Variants in LAMA4 observed in about 807,000 individuals in gnomAD.
The protein encoded by LAMA4 is laminin subunit alpha 4.
LAMA4 carries 127 observed loss-of-function variants against 207.1 expected under a neutral mutation model. The ratio of observed to expected loss-of-function variants is 0.61; its 90% CI spans 0.53 to 0.71. The LOEUF is 0.71. Ranked by LOEUF, LAMA4 falls within the 30% of genes least tolerant of loss-of-function variation. LAMA4 has a pLI of 0.00. For synonymous variants in LAMA4, 761 were observed against 816.0 expected (o/e 0.93, Z 1.15); for missense variants, 2,093 against 2,246.5 (o/e 0.93, Z 1.38).
chr6:112,125,765 A>G (rs1194625352), intron 31 of LAMA4, among the ~76,000 whole-genome samples: 1 of 152,246 alleles, frequency 6.6e-6, no homozygotes, highest in Non-Finnish European at 1.5e-5. Context: ...CTTTGGCTAT[A>G]AAAGGAGAAA....
chr6:112,210,629 C>A (rs1355970604), intron 3 of LAMA4, among the ~76,000 whole-genome samples: 1 of 152,040 alleles, frequency 6.6e-6, no homozygotes, highest in Non-Finnish European at 1.5e-5. Context: ...TCTAAGTATG[C>A]CCAGGGAGGT....
At chr6:112,211,143 G>T (rs532217456) in intron 3 of LAMA4, among the ~76,000 whole-genome samples, 1 of 152,206 alleles carries the variant, frequency 6.6e-6, no homozygotes, top group East Asian at 1.9e-4. Flanking sequence ...CATCCTGAGG[G>T]TCTGCATTTC....
In LAMA4 at chr6:112,167,374, C is replaced by A. The variant is rs190973915; in HGVS notation, c.1552-2098G>T. Among the ~76,000 whole-genome samples, 13 of 152,246 alleles carry A rather than the reference C, an allele frequency of 8.5e-5. No individual in the cohort carries two copies. The East Asian group carries it at 2.5e-3, about 29-fold the overall frequency. ...CTAAGATTGTGCCACTGTACTCCAG[C>A]CTGGGTGACAGAGTAAGACTGTGTC... is the stretch of plus-strand genomic sequence containing the variant. On this transcript the variant is annotated intron_variant, in intron 12 of 38. Coordinates refer to ENST00000230538, the MANE Select transcript of LAMA4 (RefSeq NM_001105206.3).
chr6:112,171,841 A>G (rs1554341842), intron 12 of LAMA4: 2 of 152,350 alleles, frequency 1.3e-5, no homozygotes, highest in African/African-American at 2.4e-5. Context: ...ATCAGGCTAG[A>G]GAGCCTAGTT....
chr6:112,114,299 T>G, intron 37 of LAMA4, 104 bp from the exon 38 acceptor site: 1 of 1,156,714 alleles, frequency 8.6e-7, no homozygotes, highest in Non-Finnish European at 1.3e-6. Flanking sequence ...TATTCCAGAA[T>G]AAAACCCACA....
At chr6:112,169,203 G>A (rs914062997) in intron 12 of LAMA4, among the ~76,000 whole-genome samples, 1 of 152,094 alleles carries the variant, frequency 6.6e-6, no homozygotes, top group Non-Finnish European at 1.5e-5. Flanking sequence ...CCCTAGGCAG[G>A]GGGCAGACCA....
intron 19 of LAMA4, among the ~76,000 whole-genome samples, chr6:112,143,298 T>A (rs1040933660): frequency 6.6e-6 from 1 of 151,008 alleles, no homozygotes; most frequent in South Asian, 2.1e-4. Flanking sequence ...TTTTTTTTTT[T>A]TTTTTTGAGA....
At chr6:112,119,735 T>C (rs1453316708) in intron 33 of LAMA4, among the ~76,000 whole-genome samples, 1 of 152,216 alleles carries the variant, frequency 6.6e-6, no homozygotes, top group African/African-American at 2.4e-5. Flanking sequence ...TGTTTTTCCA[T>C]GTTCTCTATG....
At chr6:112,161,565 G>A (rs1461411703) in intron 13 of LAMA4, among the ~76,000 whole-genome samples, 2 of 152,124 alleles carry the variant, frequency 1.3e-5, no homozygotes, top group African/African-American at 2.4e-5. Flanking sequence ...AACTCTTCTG[G>A]GGGTAGAATA....
In LAMA4 at chr6:112,135,056, C is replaced by G. The variant is rs184454431; in HGVS notation, c.3415-447G>C. 8.9e-4 allele frequency among the ~76,000 whole-genome samples: 135 copies of G among 152,200 alleles called. 1 individual carries two copies. The highest frequency in any genetic ancestry group is 3.1e-3 in the African/African-American group (128 of 41,528). On this transcript the variant is annotated intron_variant, in intron 25 of 38. Transcript: ENST00000230538. ...GCAAACACTCATATCATCTTACAAT[C>G]AAGGTAAGAGACATATCACACATTT...
In LAMA4 at chr6:112,254,487, G is replaced by C. The variant is rs925853309; in HGVS notation, c.-170C>G. ...ACGGCATCAAAAGGCAGACGGATTG[G>C]GGTGAGCCCCGCCAGCGCTAGGCCA... On this transcript the variant is annotated 5_prime_UTR_variant, in exon 1 of 39. Transcript: ENST00000230538. 4 of 396,526 alleles carry C rather than the reference G, an allele frequency of 1.0e-5. No homozygotes were observed. Among genetic ancestry groups the C allele is most frequent in the Non-Finnish European group, 1.4e-5 (3 of 210,168 alleles). The allele number at this position is 396,526 out of a possible 1,614,324, so 24.6% of individuals were successfully genotyped here.
At chr6:112,207,499 C>T (rs957426170) in intron 3 of LAMA4, among the ~76,000 whole-genome samples, 5 of 139,950 alleles carry the variant, frequency 3.6e-5, no homozygotes, top group Non-Finnish European at 7.4e-5. Flanking sequence ...TTATTGACTT[C>T]GAATGAATAT....
chr6:112,175,650 G>C (rs1448185634), intron 10 of LAMA4, among the ~76,000 whole-genome samples, 170 bp from the exon 11 acceptor site: 5 of 152,206 alleles, frequency 3.3e-5, no homozygotes, highest in Non-Finnish European at 7.3e-5. Context: ...AGCGAGCATG[G>C]AAGCTCATCA....
rs1781972065 is a variant in LAMA4 at position 112,175,511 on chromosome 6, G to T, written c.1190-31C>A. On this transcript the variant is annotated intron_variant, in intron 10 of 38. Coordinates refer to ENST00000230538, the MANE Select transcript of LAMA4 (RefSeq NM_001105206.3). ...AGGAAGAACATGGTGAAACAAGGCA[G>T]CAGGGAGAGATGACCAGGCACTAGA... 6 of 1,612,260 alleles carry T rather than the reference G, an allele frequency of 3.7e-6. No individual in the cohort carries two copies. In the African/African-American group the frequency reaches 8.0e-5, roughly 22 times the overall value.
chr6:112,247,429 A>G (rs1252478919), intron 2 of LAMA4, among the ~76,000 whole-genome samples: 4 of 152,238 alleles, frequency 2.6e-5, no homozygotes, highest in Non-Finnish European at 4.4e-5. Context: ...TCTGGCCCTC[A>G]GATGTACTCA....
intron 5 of LAMA4, among the ~76,000 whole-genome samples, chr6:112,199,745 T>G (rs535241479): frequency 6.6e-6 from 1 of 151,322 alleles, no homozygotes; most frequent in South Asian, 2.1e-4. Context: ...TGCAAAGATT[T>G]TTCTCTGTAT....
At chr6:112,175,513 A>C in intron 10 of LAMA4, 33 bp from the exon 11 acceptor site, 1 of 1,611,888 alleles carries the variant, frequency 6.2e-7, no homozygotes, top group Non-Finnish European at 8.5e-7. Flanking sequence ...ACAAGGCAGC[A>C]GGGAGAGATG....
At chr6:112,122,280 T>C (rs1778409539) in intron 31 of LAMA4, 79 bp from the exon 32 acceptor site, 1 of 1,030,844 alleles carries the variant, frequency 9.7e-7, no homozygotes. Context: ...TCATCATTAA[T>C]AAGGATAAAA....
intron 6 of LAMA4, among the ~76,000 whole-genome samples, chr6:112,190,911 C>CTT (rs1206487686): frequency 2.6e-4 from 25 of 94,700 alleles, no homozygotes; most frequent in African/African-American, 1.0e-3. Context: ...TTCTTTCTTT[C>CTT]TTTCTTTCTT....
Sources: gnomAD v4.1 joint callset for allele counts (sites outside exome capture counted in the v4.1 genomes callset) on GRCh38, gnomAD v4.1.1 for gene constraint, MANE v1.5 for transcripts, NCBI Gene and HGNC (gene_info 2026-07-23, HGNC 2026-07-21) for gene names.